Variants in LEMD1 observed in about 807,000 individuals in gnomAD.
The protein encoded by LEMD1 is LEM domain-containing protein 1.
LEMD1 carries 18 observed loss-of-function variants against 17.4 expected under a neutral mutation model. The ratio of observed to expected loss-of-function variants is 1.04; its 90% CI spans 0.72 to 1.54. The LOEUF is 1.54. Among genes scored for constraint, LEMD1 ranks in the 40% most tolerant of loss-of-function variants. The pLI is 0.00. For synonymous variants in LEMD1, 88 were observed against 77.8 expected (o/e 1.13, Z -0.69); for missense variants, 195 against 210.4 (o/e 0.93, Z 0.45).
chr1:205,411,566 AAAAG>A (rs1665437331), intron 4 of LEMD1, among the ~76,000 whole-genome samples: 1 of 150,580 alleles, frequency 6.6e-6, no homozygotes, highest in African/African-American at 2.4e-5. Context: ...AAAAAAAAAA[AAAAG>A]AAAGAAGGAG....
chr1:205,405,807 T>C, intron 4 of LEMD1, among the ~76,000 whole-genome samples: 1 of 133,768 alleles, frequency 7.5e-6, no homozygotes, highest in East Asian at 2.0e-4. Context: ...GTTTTTCTGC[T>C]CTGTTTTTTT....
At chr1:205,416,991 G>A (rs889880967) in intron 3 of LEMD1, among the ~76,000 whole-genome samples, 2 of 152,088 alleles carry the variant, frequency 1.3e-5, no homozygotes, top group African/African-American at 2.4e-5. Context: ...CACCTCCACC[G>A]CCACTACAAG....
At chr1:205,423,815 G>C (rs1049557226), upstream of LEMD1, among the ~76,000 whole-genome samples, 4 of 152,146 alleles carry the variant, frequency 2.6e-5, no homozygotes, top group Non-Finnish European at 5.9e-5. Context: ...TGGCTGCAAA[G>C]ATATTTTATT....
chr1:205,446,392 T>C (rs1666389855), intron 1 of LEMD1, among the ~76,000 whole-genome samples: 1 of 152,212 alleles, frequency 6.6e-6, no homozygotes, highest in African/African-American at 2.4e-5. Context: ...CATCCATCTT[T>C]TCTCCCAGTT....
chr1:205,436,566 T>C (rs1318718865), intron 1 of LEMD1: 1 of 152,070 alleles, frequency 6.6e-6, no homozygotes, highest in African/African-American at 2.4e-5. Flanking sequence ...TTGTCAGCAA[T>C]ATGGACTTGG....
rs1665363555 is a variant in LEMD1 at position 205,410,943 on chromosome 1, G to GGAAA, written c.270+5288_270+5289insTTTC. On this transcript the variant is annotated intron_variant, in intron 4 of 5. Transcript: ENST00000367153. The stretch of plus-strand genomic sequence containing the variant: ...AGGAAAGAAAAGAGAAAGAAAGGAA[G>GGAAA]GGAAAGGAAGAAATAGAGAAAGAAA... Among the ~76,000 whole-genome samples, 3 of 149,128 alleles carry GGAAA rather than the reference G, an allele frequency of 2.0e-5. No individual in the cohort carries two copies. The South Asian group carries it at 6.3e-4, about 32-fold the overall frequency.
At position 205,448,067 on chromosome 1, in the gene LEMD1, T is replaced by C. The variant is rs1666432930; in HGVS notation, c.-39+1801A>G. ...CAGAAAGCTCAGCACACCCTGAAGG[T>C]CTCCTTCCTTCCTCAGAGGGAATCT... On this transcript the variant is annotated intron_variant, in intron 1 of 3. Coordinates refer to the LEMD1 transcript ENST00000367154. The surrounding 1 kb of genome is among the most constrained non-coding windows in gnomAD (Gnocchi z 4.7). Among the ~76,000 whole-genome samples, 2 of 152,008 alleles carry C rather than the reference T, an allele frequency of 1.3e-5. No homozygotes were observed. The highest frequency in any genetic ancestry group is 4.2e-4 in the South Asian group (2 of 4,814).
rs913724 is a variant in LEMD1, at chr1:205,448,103, T to A, written c.-39+1765A>T. Reference sequence around the variant, plus strand: ...CCTCAGAGGGAATCTCCCTCTGGAATCACCGGCCCAGTCTCTTCATTCCAG... The same window carrying A: ...CCTCAGAGGGAATCTCCCTCTGGAAACACCGGCCCAGTCTCTTCATTCCAG... On this transcript the variant is annotated intron_variant, in intron 1 of 3. Coordinates refer to the LEMD1 transcript ENST00000367154. This position sits in a 1 kb window ranked among gnomAD's most constrained non-coding sequence, Gnocchi z 4.7. 6.6e-6 allele frequency among the ~76,000 whole-genome samples: 1 copy of A among 151,962 alleles called. No homozygotes were observed. Among genetic ancestry groups the A allele is most frequent in the Non-Finnish European group, 1.5e-5 (1 of 67,976 alleles).
chr1:205,426,077 C>G (rs1334603492), upstream of LEMD1, among the ~76,000 whole-genome samples: 2 of 152,166 alleles, frequency 1.3e-5, no homozygotes, highest in African/African-American at 4.8e-5. Context: ...GAAGAGTACA[C>G]TTAAAGGAAC....
chr1:205,418,676 C>T (rs910513908), intron 3 of LEMD1, among the ~76,000 whole-genome samples: 3 of 152,106 alleles, frequency 2.0e-5, no homozygotes, highest in Non-Finnish European at 4.4e-5. Flanking sequence ...CCATCACGCC[C>T]AGCTAATTTT....
At chr1:205,390,707 G>T (rs1009785818) in intron 4 of LEMD1, among the ~76,000 whole-genome samples, 2 of 152,134 alleles carry the variant, frequency 1.3e-5, no homozygotes, top group African/African-American at 4.8e-5. Flanking sequence ...TTTAAAATAT[G>T]CTTTAAAAGA....
intron 1 of LEMD1, among the ~76,000 whole-genome samples, chr1:205,447,787 G>T (rs755656034): frequency 1.3e-5 from 2 of 152,136 alleles, no homozygotes; most frequent in Admixed American, 1.3e-4. Flanking sequence ...TCACTCTGCA[G>T]ACACCTCCTC....
intron 4 of LEMD1, among the ~76,000 whole-genome samples, chr1:205,397,958 T>C (rs929497831): frequency 2.0e-5 from 3 of 152,234 alleles, no homozygotes; most frequent in Non-Finnish European, 4.4e-5. Context: ...CAGTGTTTGG[T>C]TCCACTATTT....
At chr1:205,423,076 AT>A (rs35929774), upstream of LEMD1, among the ~76,000 whole-genome samples, 2 of 152,080 alleles carry the variant, frequency 1.3e-5, no homozygotes, top group African/African-American at 4.8e-5. Flanking sequence ...CACATCCGGT[AT>A]TTTCCTCAGG....
At chr1:205,398,763 G>A (rs61824222) in intron 4 of LEMD1, among the ~76,000 whole-genome samples, 20,222 of 152,208 alleles carry the variant, frequency 0.13, 1,621 homozygotes, top group East Asian at 0.21. Context: ...AGTGTGCCCT[G>A]GGGCAAGGAA....
At chr1:205,395,541 C>T (rs895073308) in intron 4 of LEMD1, among the ~76,000 whole-genome samples, 11 of 150,318 alleles carry the variant, frequency 7.3e-5, no homozygotes, top group Non-Finnish European at 2.9e-5. Context: ...TTGCGGTGAG[C>T]CAAGATCATG....
chr1:205,432,678 T>C (rs760880669), intron 1 of LEMD1, among the ~76,000 whole-genome samples: 7 of 152,352 alleles, frequency 4.6e-5, no homozygotes, highest in Non-Finnish European at 8.8e-5. Flanking sequence ...GGCAGAAGTC[T>C]GTAGACGCTG....
At chr1:205,400,841 C>T in intron 4 of LEMD1, among the ~76,000 whole-genome samples, 1 of 26,010 alleles carries the variant, frequency 3.8e-5, no homozygotes, top group African/African-American at 1.4e-4. Context: ...TAATGCTATC[C>T]CTCCCCCCCC....
At chr1:205,420,019 A>C (rs1665887388) in intron 2 of LEMD1, among the ~76,000 whole-genome samples, 1 of 152,222 alleles carries the variant, frequency 6.6e-6, no homozygotes, top group Non-Finnish European at 1.5e-5. Flanking sequence ...TCACTGATGA[A>C]AAACACCCAA....
Sources: allele counts gnomAD v4.1 joint callset (sites outside exome capture counted in the v4.1 genomes callset), GRCh38; gene constraint gnomAD v4.1.1; non-coding constraint Gnocchi (gnomAD v3.1); transcripts MANE v1.5; gene names NCBI Gene and HGNC (gene_info 2026-07-23, HGNC 2026-07-21).